The following SEZ6L2 variants were observed in gnomAD, a reference collection of about 807,000 sequenced individuals.
SEZ6L2 encodes seizure 6-like protein 2.
In SEZ6L2, 44 loss-of-function variants were observed where a neutral mutation model predicts 97.0. The observed-to-expected ratio is 0.45, with a 90% CI of 0.36 to 0.58. The LOEUF is 0.58. Ranked by LOEUF, SEZ6L2 falls within the 20% of genes least tolerant of loss-of-function variation. SEZ6L2 has a pLI of 0.00. For synonymous variants in SEZ6L2, 543 were observed against 546.1 expected, an observed-to-expected ratio of 0.99 and a Z score of 0.08; for missense variants, 1,086 against 1,233.3, an observed-to-expected ratio of 0.88 and a Z score of 1.79.
At chr16:29,887,537 C>A (rs1436154416) in intron 7 of SEZ6L2, 112 bp downstream of exon 7, 1 of 911,026 alleles carries the variant, frequency 1.1e-6, no homozygotes, top group South Asian at 1.8e-5. Context: ...TGGACTCGAT[C>A]TCCTGACCTT....
At chr16:29,895,966 C>G (rs2068378996) in intron 3 of SEZ6L2, 106 bp from the exon 4 acceptor site, 11 of 1,250,958 alleles carry the variant, frequency 8.8e-6, no homozygotes, top group Non-Finnish European at 9.7e-6. Flanking sequence ...TTCTCATCAT[C>G]TTTTTGTTTT....
At position 29,873,837 on chromosome 16, in the gene SEZ6L2, G is replaced by A; in HGVS notation, c.2105-108C>T. ...AAAAATTGAAAAATTAGCCAGGAGT[G>A]GTGGCGCACTCCTGTGGTTCCAGCT... On this transcript the variant is annotated intron_variant, in intron 12 of 17. Transcript: ENST00000617533. The surrounding 1 kb of genome is among the most constrained non-coding windows in gnomAD (Gnocchi z 4.3). 2.1e-6 allele frequency: 2 copies of A among 966,352 alleles called. No homozygotes were observed. Among genetic ancestry groups the A allele is most frequent in the Non-Finnish European group, 3.0e-6 (2 of 669,882 alleles). 59.9% of individuals were successfully genotyped at this position (966,352 alleles called of 1,614,324 possible).
At position 29,876,205 on chromosome 16, in the gene SEZ6L2, T is replaced by C. The variant is rs1379805995; in HGVS notation, c.2104+551A>G. 6.6e-6 allele frequency among the ~76,000 whole-genome samples: 1 copy of C among 152,050 alleles called. No homozygotes were observed. Among genetic ancestry groups the C allele is most frequent in the Admixed American group, 6.6e-5 (1 of 15,240 alleles). On this transcript the variant is annotated intron_variant, in intron 12 of 17. Transcript: ENST00000617533. The surrounding 1 kb of genome is among the most constrained non-coding windows in gnomAD (Gnocchi z 6.5). ...CCAGACTGCGAGCTCCATAAGAGTA[T>C]GGAGGGGCTTGAACCCCCTTCGCCT...
At chr16:29,886,492 G>A (rs2068143201) in intron 7 of SEZ6L2, among the ~76,000 whole-genome samples, 2 of 151,504 alleles carry the variant, frequency 1.3e-5, no homozygotes, top group East Asian at 2.0e-4. Flanking sequence ...TGGCTAACAC[G>A]GTGAAACCCC....
chr16:29,877,710 C>T (rs2067940928), intron 10 of SEZ6L2, among the ~76,000 whole-genome samples: 1 of 152,226 alleles, frequency 6.6e-6, no homozygotes, highest in Admixed American at 6.5e-5. Flanking sequence ...CCTAAGCTTG[C>T]ACATTACTAA....
Position 29,873,103 on chromosome 16 carries a change from T to C in SEZ6L2, c.2488+137A>G. 1.0e-6 allele frequency: 1 copy of C among 988,398 alleles called. No homozygotes were observed. The highest frequency in any genetic ancestry group is 1.5e-6 in the Non-Finnish European group (1 of 674,578). 61.2% of individuals were successfully genotyped at this position (988,398 alleles called of 1,614,324 possible). On this transcript the variant is annotated intron_variant, in intron 14 of 17. Transcript: ENST00000617533. The surrounding 1 kb of genome is among the most constrained non-coding windows in gnomAD (Gnocchi z 4.3). ...GACCCAGGGCTTCTGGACACACCCG[T>C]GAGGACACGAGGCCACAGGAGGAGA...
intron 11 of SEZ6L2, 47 bp downstream of exon 11, chr16:29,877,220 ATCTC>A: frequency 6.7e-7 from 1 of 1,481,814 alleles, no homozygotes; most frequent in Non-Finnish European, 9.0e-7. Context: ...ACCTCCCGGG[ATCTC>A]TGGCCTGCCC....
Position 29,876,954 on chromosome 16 carries a change from C to T in SEZ6L2, c.1910-4G>A. The T allele has an allele frequency of 1.9e-6, 3 of 1,592,752 alleles. No individual in the cohort carries two copies. Among genetic ancestry groups the T allele is most frequent in the Non-Finnish European group, 2.6e-6 (3 of 1,164,922 alleles). On this transcript the variant is annotated splice_polypyrimidine_tract_variant and splice_region_variant and intron_variant, in intron 11 of 17. Transcript: ENST00000617533. This position sits in a 1 kb window ranked among gnomAD's most constrained non-coding sequence, Gnocchi z 6.5. Reference sequence around the variant, plus strand: ...CACGTGTCGTTCCTCGGGACCTCTGCAGGGGAGGGAAGGCGAGTTTGGAGG... The same window carrying T: ...CACGTGTCGTTCCTCGGGACCTCTGTAGGGGAGGGAAGGCGAGTTTGGAGG...
chr16:29,876,832 G>A lies in SEZ6L2; in HGVS notation c.2028C>T (p.Tyr676=), dbSNP rs375043078. The change falls in exon 12 of 18, where the codon TAC becomes TAT. Residue 676 remains tyrosine (Y), a synonymous_variant. Coordinates refer to ENST00000617533, the MANE Select transcript of SEZ6L2 (RefSeq NM_001243332.2). This position sits in a 1 kb window ranked among gnomAD's most constrained non-coding sequence, Gnocchi z 6.5. ...TVLTYQCEPG[Y]ELLGSDILTC... ...TGAGAATGTCGGAGCCTAGCAGCTC[G>A]TAGCCAGGCTCGCACTGGTAGGTGA... 5 of 1,610,680 alleles carry A rather than the reference G, an allele frequency of 3.1e-6. No homozygotes were observed. In the African/African-American group the frequency reaches 5.3e-5, roughly 17 times the overall value.
At chr16:29,893,149 A>AC (rs1052741702) in intron 5 of SEZ6L2, among the ~76,000 whole-genome samples, 29 of 151,550 alleles carry the variant, frequency 1.9e-4, no homozygotes, top group Admixed American at 1.4e-3. Flanking sequence ...ACATGGAGAA[A>AC]CCCCGTCTCT....
Position 29,872,487 on chromosome 16 carries a change from C to G in SEZ6L2, c.2567G>C (p.Gly856Ala), listed in dbSNP as rs2067805556. The G allele has an allele frequency of 1.9e-6, 3 of 1,614,114 alleles. No homozygotes were observed. In the African/African-American group the frequency reaches 4.0e-5, roughly 22 times the overall value. The stretch of plus-strand genomic sequence containing the variant: ...CAGCAGGATGGCCAGGGCCAGGTTC[C>G]CCCCTTCCAGCTGCCGTGATGGATC... ...TTDPSRQLEGGNLALAILLPL... is the reference protein window; with the variant it reads ...TTDPSRQLEGANLALAILLPL... Residue 856 changes from glycine (G) to alanine (A), a missense_variant, in exon 16 of 18, where the codon GGG becomes GCG. Transcript: ENST00000617533.
Position 29,871,515 on chromosome 16 carries a change from G to A in SEZ6L2, c.*184C>T. ...AACTGAGAAGAGGCGGCTTTGGGCGGCAGGATGCTGGTTTATTTACTGTAG... is the reference window on the plus strand; with the variant it reads ...AACTGAGAAGAGGCGGCTTTGGGCGACAGGATGCTGGTTTATTTACTGTAG... On this transcript the variant is annotated 3_prime_UTR_variant, in exon 18 of 18. Transcript: ENST00000617533. 1.5e-6 allele frequency: 1 copy of A among 658,856 alleles called. No homozygotes were observed. The highest frequency in any genetic ancestry group is 2.4e-5 in the Admixed American group (1 of 41,300). The allele number at this position is 658,856 out of a possible 1,614,324, so 40.8% of individuals were successfully genotyped here.
chr16:29,893,324 CAAAT>C (rs746053606), intron 5 of SEZ6L2, among the ~76,000 whole-genome samples: 35 of 151,398 alleles, frequency 2.3e-4, no homozygotes, highest in Non-Finnish European at 4.0e-4. Flanking sequence ...AACTCCATCT[CAAAT>C]AAATAAATAA....
chr16:29,874,019 C>G (rs1400610480), intron 12 of SEZ6L2, among the ~76,000 whole-genome samples: 1 of 152,054 alleles, frequency 6.6e-6, no homozygotes, highest in Non-Finnish European at 1.5e-5. Flanking sequence ...CTGGGAGAGG[C>G]CTGAGCCTCA....
chr16:29,878,262 C>T (rs2067951797), intron 10 of SEZ6L2, 25 bp downstream of exon 10: 1 of 1,574,764 alleles, frequency 6.4e-7, no homozygotes, highest in Admixed American at 1.8e-5. Flanking sequence ...ACACCCGTCG[C>T]ACCCTCTGCA....
Position 29,880,074 on chromosome 16 carries a change from A to C in SEZ6L2, c.1373-10T>G, listed in dbSNP as rs368083154. Reference sequence around the variant, plus strand: ...CGATCCTCCTCAAAGGCTGGGAAGGAGTCAGTCATAACAATTAAGCATTAG... The same window carrying C: ...CGATCCTCCTCAAAGGCTGGGAAGGCGTCAGTCATAACAATTAAGCATTAG... On this transcript the variant is annotated splice_polypyrimidine_tract_variant and intron_variant, in intron 8 of 17. Coordinates refer to ENST00000617533, the MANE Select transcript of SEZ6L2 (RefSeq NM_001243332.2). 63 of 1,613,348 alleles carry C rather than the reference A, an allele frequency of 3.9e-5. No homozygotes were observed. Among genetic ancestry groups the C allele is most frequent in the Non-Finnish European group, 5.3e-5 (62 of 1,179,630 alleles).
intron 5 of SEZ6L2, among the ~76,000 whole-genome samples, chr16:29,889,111 G>A (rs1201015736): frequency 6.6e-6 from 1 of 152,162 alleles, no homozygotes; most frequent in Admixed American, 6.6e-5. Flanking sequence ...AGCTCCCAAA[G>A]TGAGTCCACA....
At chr16:29,892,630 T>C (rs186149127) in intron 5 of SEZ6L2, among the ~76,000 whole-genome samples, 77 of 152,324 alleles carry the variant, frequency 5.1e-4, no homozygotes, top group African/African-American at 1.6e-3. Context: ...AGAATAGGAT[T>C]CAGGGTGTAC....
intron 11 of SEZ6L2, 96 bp from the exon 12 acceptor site, chr16:29,877,046 G>GTCTC (rs139403019): frequency 4.1e-6 from 5 of 1,216,048 alleles, no homozygotes; most frequent in East Asian, 2.6e-5. Flanking sequence ...CCCGGGATCT[G>GTCTC]TCTCTCTCTC....
Sources: allele counts gnomAD v4.1 joint callset (sites outside exome capture counted in the v4.1 genomes callset), GRCh38; gene constraint gnomAD v4.1.1; non-coding constraint Gnocchi (gnomAD v3.1); transcripts MANE v1.5; gene names NCBI Gene and HGNC (gene_info 2026-07-23, HGNC 2026-07-21).